The following CEP104 variants were observed in gnomAD, a reference collection of about 807,000 sequenced individuals.
The protein encoded by CEP104 is centrosomal protein 104, also known as centrosomal protein of 104 kDa.
CEP104 carries 84 observed loss-of-function variants against 113.3 expected under a neutral mutation model. The observed-to-expected ratio is 0.74, with a 90% confidence interval of 0.62 to 0.89. The LOEUF (loss-of-function observed/expected upper bound fraction) is 0.89. Among genes scored for constraint, CEP104 ranks in the 40% least tolerant of loss-of-function variants. The pLI is 0.00. For missense variants in CEP104, 1,053 were observed against 1,156.6 expected (o/e 0.91, Z 1.30); for synonymous variants, 378 against 421.7 (o/e 0.90, Z 1.27).
At chr1:3,838,816 A>G in intron 8 of CEP104, 148 bp downstream of exon 8, 4 of 805,382 alleles carry the variant, frequency 5.0e-6, no homozygotes, top group Non-Finnish European at 7.8e-6. Flanking sequence ...ACGTAGGCAC[A>G]GAGCTGAGGC....
rs1442571106 is a variant in CEP104 at position 3,819,387 on chromosome 1, C to T, written c.2572-3017G>A. Among the ~76,000 whole-genome samples the T allele has an allele frequency of 6.6e-6, 1 of 152,118 alleles. No individual in the cohort carries two copies. Among genetic ancestry groups the T allele is most frequent in the East Asian group, 1.9e-4 (1 of 5,186 alleles). Reference sequence around the variant, plus strand: ...GTGATGGAAAAGTTCCACACGTGTGCAGATGGTTGCAGAACCCTGAATACA... The same window carrying T: ...GTGATGGAAAAGTTCCACACGTGTGTAGATGGTTGCAGAACCCTGAATACA... On this transcript the variant is annotated intron_variant, in intron 20 of 21. Transcript: ENST00000378230. The surrounding 1 kb of genome is among the most constrained non-coding windows in gnomAD (Gnocchi z 4.6).
chr1:3,833,303 G>T (rs1470821628), intron 12 of CEP104, among the ~76,000 whole-genome samples: 1 of 152,114 alleles, frequency 6.6e-6, no homozygotes, highest in Non-Finnish European at 1.5e-5. Context: ...TTTTAAGAAG[G>T]ATCTGCACAT....
chr1:3,825,201 G>A (rs1007063673), intron 18 of CEP104, among the ~76,000 whole-genome samples: 2 of 152,034 alleles, frequency 1.3e-5, no homozygotes, highest in Admixed American at 6.5e-5. Context: ...TGGTGCCCAG[G>A]CACAACCCCT....
Position 3,848,749 on chromosome 1 carries a change from T to C in CEP104, c.146A>G (p.Gln49Arg), listed in dbSNP as rs1644556394. The change falls in exon 3 of 22, where the codon CAA becomes CGA. Residue 49 changes from glutamine (Q) to arginine (R), a missense_variant. Coordinates refer to ENST00000378230, the MANE Select transcript of CEP104 (RefSeq NM_014704.4). Reference sequence around the variant, plus strand: ...CCTTATTCGACATCTCTCCACCATTTGAAGGACAATTTCTTGTGGAAACTG... The same window carrying C: ...CCTTATTCGACATCTCTCCACCATTCGAAGGACAATTTCTTGTGGAAACTG... ...FCQFPQEIVL[Q>R]MVERCRIRKL... is the part of the protein sequence containing the mutation. 8.7e-6 allele frequency: 14 copies of C among 1,610,210 alleles called. No individual in the cohort carries two copies. Among genetic ancestry groups the C allele is most frequent in the Non-Finnish European group, 1.2e-5 (14 of 1,179,056 alleles).
At chr1:3,836,747 T>G in intron 9 of CEP104, 55 bp from the exon 10 acceptor site, 1 of 1,528,132 alleles carries the variant, frequency 6.5e-7, no homozygotes. Context: ...GGTCACATTC[T>G]CCAGTGCAAC....
In CEP104 at chr1:3,816,332, C is replaced by T. The variant is rs759967359; in HGVS notation, c.2610G>A (p.Thr870=). The T allele has an allele frequency of 1.4e-5, 22 of 1,553,434 alleles. No homozygotes were observed. The highest frequency in any genetic ancestry group is 1.7e-4 in the Middle Eastern group (1 of 5,990). Residue 870 remains threonine (T), a synonymous_variant, in exon 21 of 22, where the codon ACG becomes ACA. Transcript: ENST00000378230. ...KAHLMGPAGC[T]MNLRKTHILQ... ...GAATGTGTGTCTTGCGCAGGTTCAT[C>T]GTGCAGCCGGCTGGGCCCATCAGGT...
chr1:3,833,091 C>T (rs1256272338), intron 12 of CEP104, among the ~76,000 whole-genome samples: 1 of 151,582 alleles, frequency 6.6e-6, no homozygotes, highest in African/African-American at 2.4e-5. Flanking sequence ...TTCGATTCTC[C>T]TGCCTCAGCC....
rs1644092016 is a variant in CEP104 at position 3,826,388 on chromosome 1, T to G, written c.2237A>C (p.Asp746Ala). The G allele has an allele frequency of 6.2e-7, 1 of 1,613,964 alleles. No homozygotes were observed. The highest frequency in any genetic ancestry group is 1.3e-5 in the African/African-American group (1 of 74,924). ...GACTTACTTATCTAGATAGTGCTCATCCGGGATTCCCAGAGCTTCAGCAGG... is the reference window on the plus strand; with the variant it reads ...GACTTACTTATCTAGATAGTGCTCAGCCGGGATTCCCAGAGCTTCAGCAGG... The part of the protein sequence containing the change: ...AAPAEALGIP[D>A]EHYLDNLCIF... The change falls in exon 17 of 22, where the codon GAT (aspartate) becomes GCT (alanine). Residue 746 changes from aspartate to alanine, a missense_variant. Physicochemically the swap from Asp to Ala is moderately radical, Grantham distance 126 (BLOSUM62 -2). Transcript: ENST00000378230.
chr1:3,818,635 C>G (rs939650195), intron 20 of CEP104, among the ~76,000 whole-genome samples: 1 of 152,242 alleles, frequency 6.6e-6, no homozygotes, highest in Admixed American at 6.5e-5. Context: ...TTGCCTTCCA[C>G]TCACTTTGAA....
At chr1:3,844,401 C>G (rs1207315970) in intron 6 of CEP104, among the ~76,000 whole-genome samples, 2 of 152,016 alleles carry the variant, frequency 1.3e-5, no homozygotes, top group African/African-American at 4.8e-5. Context: ...TGAGGTCAGG[C>G]TCAGGAGAAT....
intron 1 of CEP104, among the ~76,000 whole-genome samples, chr1:3,852,840 A>G (rs1644641627): frequency 6.6e-6 from 1 of 152,210 alleles, no homozygotes; most frequent in Non-Finnish European, 1.5e-5. Flanking sequence ...ACAGCCACAC[A>G]AAGGGAGAGC....
At chr1:3,835,252 A>G (rs1436054485) in intron 10 of CEP104, among the ~76,000 whole-genome samples, 160 bp from the exon 11 acceptor site, 1 of 152,238 alleles carries the variant, frequency 6.6e-6, no homozygotes, top group Non-Finnish European at 1.5e-5. Context: ...ACTTTTACAA[A>G]TAAATATGTA....
chr1:3,816,307 G>C lies in CEP104; in HGVS notation c.2635C>G (p.Leu879Val). ...GGCTGCAGTGCCGGGGCCTTCTGCA[G>C]AATGTGTGTCTTGCGCAGGTTCATC... ...CTMNLRKTHI[L>V]QKAPALQPGK... The change falls in exon 21 of 22, where the codon CTG (leucine) becomes GTG (valine). Residue 879 changes from leucine (L) to valine (V), a missense_variant. Transcript: ENST00000378230. 3 of 1,553,516 alleles carry C rather than the reference G, an allele frequency of 1.9e-6. No individual in the cohort carries two copies. Among genetic ancestry groups the C allele is most frequent in the Non-Finnish European group, 2.6e-6 (3 of 1,147,926 alleles).
chr1:3,837,239 C>T, intron 9 of CEP104, 53 bp downstream of exon 9: 1 of 1,450,548 alleles, frequency 6.9e-7, no homozygotes, highest in Non-Finnish European at 9.5e-7. Context: ...CAACACATGT[C>T]CTTTACAAAT....
intron 20 of CEP104, among the ~76,000 whole-genome samples, chr1:3,817,138 C>T (rs1176009492): frequency 1.3e-5 from 2 of 152,190 alleles, no homozygotes; most frequent in East Asian, 3.9e-4. Context: ...TGAGACCAGC[C>T]TGGCCAGCTT....
Position 3,823,027 on chromosome 1 carries a change from G to T in CEP104, c.2571+147C>A, listed in dbSNP as rs1644009210. 7.1e-6 allele frequency: 5 copies of T among 702,994 alleles called. No individual in the cohort carries two copies. The highest frequency in any genetic ancestry group is 2.5e-6 in the Non-Finnish European group (1 of 402,112). 43.5% of individuals were successfully genotyped at this position (702,994 alleles called of 1,614,324 possible). On this transcript the variant is annotated intron_variant, in intron 20 of 21. Transcript: ENST00000378230. This position sits in a 1 kb window ranked among gnomAD's most constrained non-coding sequence, Gnocchi z 4.1. Reference sequence around the variant, plus strand: ...GGTAAACGGAACGACTGCTCAGACAGGGCTCACTAGACGCTGTCCCCTCCC... The same window carrying T: ...GGTAAACGGAACGACTGCTCAGACATGGCTCACTAGACGCTGTCCCCTCCC...
At chr1:3,849,878 C>T (rs1043334327) in intron 2 of CEP104, among the ~76,000 whole-genome samples, 5 of 151,838 alleles carry the variant, frequency 3.3e-5, no homozygotes, top group Non-Finnish European at 7.4e-5. Context: ...CCAAGACAAC[C>T]GGCAAAGCTT....
Position 3,838,971 on chromosome 1 carries a change from G to A in CEP104, c.884C>T (p.Ala295Val). 3.7e-6 allele frequency: 6 copies of A among 1,614,006 alleles called. No individual in the cohort carries two copies. The highest frequency in any genetic ancestry group is 5.1e-6 in the Non-Finnish European group (6 of 1,180,010). The part of the protein sequence containing the change: ...EQLELHSLLD[A>V]ELMRRPFDLP... The stretch of plus-strand genomic sequence containing the variant: ...CTGGGCTCCTGCACCCACCAGCTCG[G>A]CATCCAGGAGGCTGTGCAGCTCCAG... The change falls in exon 8 of 22, where the codon GCC becomes GTC. Residue 295 changes from alanine (A) to valine (V), a missense_variant. Physicochemically the swap from Ala to Val is moderately conservative, Grantham distance 64. Coordinates refer to ENST00000378230, the MANE Select transcript of CEP104 (RefSeq NM_014704.4).
chr1:3,854,196 C>A (rs530471280), intron 1 of CEP104, among the ~76,000 whole-genome samples: 1 of 152,242 alleles, frequency 6.6e-6, no homozygotes, highest in South Asian at 2.1e-4. Flanking sequence ...ATCCCACTGT[C>A]TTTTCTAGAC....
Sources: gnomAD v4.1 joint callset for allele counts (sites outside exome capture counted in the v4.1 genomes callset) on GRCh38, gnomAD v4.1.1 for gene constraint, Gnocchi (gnomAD v3.1) non-coding constraint, MANE v1.5 for transcripts, NCBI Gene and HGNC (gene_info 2026-07-23, HGNC 2026-07-21) for gene names.